DGKB: variants seen among roughly 807,000 people sequenced by gnomAD.
DGKB encodes 90 kDa diacylglycerol kinase.
DGKB carries 67 observed loss-of-function variants against 114.3 expected under a neutral mutation model. The ratio of observed to expected loss-of-function variants is 0.59; its 90% confidence interval spans 0.48 to 0.72. The LOEUF (loss-of-function observed/expected upper bound fraction) is 0.72, where lower values mean the gene tolerates loss of function less well. Ranked by LOEUF, DGKB falls within the 30% of genes least tolerant of loss-of-function variation. The pLI is 0.00. For synonymous variants in DGKB, 398 were observed against 323.1 expected, an observed-to-expected ratio of 1.23 and a Z score of -2.49; for missense variants, 907 against 975.2, an observed-to-expected ratio of 0.93 and a Z score of 0.93.
chr7:14,703,610 G>A (rs1331320030), intron 6 of DGKB, among the ~76,000 whole-genome samples: 2 of 152,172 alleles, frequency 1.3e-5, no homozygotes, highest in Non-Finnish European at 2.9e-5. Flanking sequence ...AGCAAAAGAA[G>A]CTTGCACAGA....
At chr7:14,437,106 G>A (rs1829393794) in intron 21 of DGKB, among the ~76,000 whole-genome samples, 1 of 151,786 alleles carries the variant, frequency 6.6e-6, no homozygotes, top group African/African-American at 2.4e-5. Context: ...TTTTATTTTT[G>A]GAACACAAAA....
At chr7:14,903,188 C>T (rs1343398743), upstream of DGKB, 1 of 150,464 alleles carries the variant, frequency 6.6e-6, no homozygotes, top group East Asian at 2.0e-4. Context: ...TATGTCAAGA[C>T]GCGTTGATAT....
At chr7:14,287,762 G>A (rs1419822327) in intron 23 of DGKB, among the ~76,000 whole-genome samples, 1 of 152,154 alleles carries the variant, frequency 6.6e-6, no homozygotes, top group African/African-American at 2.4e-5. Context: ...CTGAAATGGA[G>A]CTTTCCAGAA....
At chr7:14,218,528 T>C (rs1259409732) in intron 23 of DGKB, among the ~76,000 whole-genome samples, 1 of 152,096 alleles carries the variant, frequency 6.6e-6, no homozygotes, top group Non-Finnish European at 1.5e-5. Context: ...TTTTGTGCTT[T>C]GAATTGACCA....
At chr7:14,696,361 G>A (rs1266069984) in intron 8 of DGKB, among the ~76,000 whole-genome samples, 2 of 151,804 alleles carry the variant, frequency 1.3e-5, no homozygotes, top group Admixed American at 6.6e-5. Context: ...CGGGCGCGGT[G>A]GCGGGCGCCT....
chr7:14,897,022 A>G (rs1408784608), intron 1 of DGKB, among the ~76,000 whole-genome samples: 2 of 151,852 alleles, frequency 1.3e-5, no homozygotes, highest in East Asian at 3.9e-4. Flanking sequence ...AGATTACTCT[A>G]TTGATGGAAC....
intron 23 of DGKB, among the ~76,000 whole-genome samples, chr7:14,314,223 G>T (rs371314195): frequency 0.17 from 25,105 of 150,328 alleles, 2,611 homozygotes; most frequent in Non-Finnish European, 0.24. Flanking sequence ...AAATCAGAGC[G>T]CCTCTCCTCC....
intron 10 of DGKB, 39 bp from the exon 11 acceptor site, chr7:14,682,880 G>C (rs1220180868): frequency 5.0e-6 from 7 of 1,388,650 alleles, no homozygotes; most frequent in Non-Finnish European, 6.0e-6. Context: ...AGCTAATCCT[G>C]GTCCTGGTTG....
chr7:14,338,740 G>A (rs1189254613), intron 22 of DGKB, 30 bp from the exon 23 acceptor site: 3 of 1,305,396 alleles, frequency 2.3e-6, no homozygotes, highest in Non-Finnish European at 2.0e-6. Flanking sequence ...AAACAGAAAC[G>A]GAATATTTTA....
At chr7:14,557,959 TTTAC>T (rs1246304107) in intron 20 of DGKB, among the ~76,000 whole-genome samples, 3 of 151,632 alleles carry the variant, frequency 2.0e-5, no homozygotes, top group South Asian at 2.1e-4. Flanking sequence ...ATTTTGTTCT[TTTAC>T]TTGTTTGCTG....
intron 1 of DGKB, among the ~76,000 whole-genome samples, chr7:14,891,004 C>G (rs1011123343): frequency 3.3e-5 from 5 of 151,270 alleles, no homozygotes; most frequent in Non-Finnish European, 5.9e-5. Flanking sequence ...AGTATTATCT[C>G]CAGAACAAGA....
intron 23 of DGKB, among the ~76,000 whole-genome samples, chr7:14,327,621 T>C (rs1012468929): frequency 6.6e-6 from 1 of 152,124 alleles, no homozygotes; most frequent in Non-Finnish European, 1.5e-5. Context: ...TTGATACAAT[T>C]ACTGTCTTTT....
intron 23 of DGKB, among the ~76,000 whole-genome samples, chr7:14,231,731 A>G (rs1366072986): frequency 2.6e-5 from 4 of 151,940 alleles, no homozygotes; most frequent in Non-Finnish European, 4.4e-5. Context: ...ACTGTGTTCT[A>G]TTCCCTAATA....
rs78957605 is a variant in DGKB, at chr7:14,275,565, G to A, written c.2122+62950C>T. Among the ~76,000 whole-genome samples, 1,115 of 152,278 alleles carry A rather than the reference G, an allele frequency of 7.3e-3. 7 individuals are homozygous for A. The highest frequency in any genetic ancestry group is 0.025 in the African/African-American group (1,057 of 41,554). ...GGAATGAGTCAAATAGTGGTCATGT[G>A]TGGAACTTTTAATAGCGCCAATTCA... is the stretch of plus-strand genomic sequence containing the variant. On this transcript the variant is annotated intron_variant, in intron 23 of 25. Coordinates refer to ENST00000402815, the MANE Select transcript of DGKB (RefSeq NM_001350709.2).
At chr7:14,603,079 G>A (rs1803850618) in intron 17 of DGKB, among the ~76,000 whole-genome samples, 1 of 152,124 alleles carries the variant, frequency 6.6e-6, no homozygotes, top group Non-Finnish European at 1.5e-5. Context: ...TGAAAGGCAA[G>A]CAATTATGTG....
At chr7:14,257,813 G>A (rs1289090545) in intron 23 of DGKB, among the ~76,000 whole-genome samples, 6 of 152,050 alleles carry the variant, frequency 3.9e-5, no homozygotes, top group African/African-American at 7.3e-5. Context: ...TGCAACCTCC[G>A]CCTCCCGGGT....
intron 20 of DGKB, among the ~76,000 whole-genome samples, chr7:14,511,747 C>G (rs1788004813): frequency 6.6e-6 from 1 of 152,160 alleles, no homozygotes; most frequent in Admixed American, 6.6e-5. Flanking sequence ...TAGAAAGTGA[C>G]AGATATGCAA....
chr7:14,500,605 C>A (rs1161416621), intron 20 of DGKB, among the ~76,000 whole-genome samples: 1 of 150,904 alleles, frequency 6.6e-6, no homozygotes. Context: ...TATTATTAAC[C>A]ATAAAAAATA....
In DGKB at chr7:14,404,781, T is replaced by C. The variant is rs545544910; in HGVS notation, c.1836-59390A>G. 2.6e-5 allele frequency among the ~76,000 whole-genome samples: 4 copies of C among 151,898 alleles called. No homozygotes were observed. The East Asian group carries it at 7.8e-4, about 30-fold the overall frequency. ...GCCTTCACCACTGTGTCTTCTTGAA[T>C]TGCTCCTCCTGCTCATGTCTGGGAA... On this transcript the variant is annotated intron_variant, in intron 21 of 25. Transcript: ENST00000402815.
Sources: allele counts gnomAD v4.1 joint callset (sites outside exome capture counted in the v4.1 genomes callset), GRCh38; gene constraint gnomAD v4.1.1; transcripts MANE v1.5; gene names NCBI Gene and HGNC (gene_info 2026-07-23, HGNC 2026-07-21).